The following GPHN variants were observed in gnomAD, a reference collection of about 807,000 sequenced individuals.
GPHN encodes the protein gephyrin.
A neutral mutation model predicts 95.5 loss-of-function variants in GPHN; 17 were observed. The ratio of observed to expected loss-of-function variants is 0.18; its 90% CI spans 0.12 to 0.27. GPHN has a LOEUF of 0.27. Among genes scored for constraint, GPHN ranks in the 10% least tolerant of loss-of-function variants. GPHN has a pLI of 1.00. For synonymous variants in GPHN, 320 were observed against 322.5 expected (o/e 0.99, Z 0.08); for missense variants, 660 against 978.1 (o/e 0.67, Z 4.34).
rs77240816 is a variant in GPHN, at chr14:66,787,688, A to G, written c.201+11167A>G. ...TAATAGGCTTATACAAATATATTCAATTGGTTTTTAATAAAGATGCAAAAG... is the reference window on the plus strand; with the variant it reads ...TAATAGGCTTATACAAATATATTCAGTTGGTTTTTAATAAAGATGCAAAAG... On this transcript the variant is annotated intron_variant, in intron 3 of 22. Coordinates refer to ENST00000478722, the MANE Select transcript of GPHN (RefSeq NM_020806.5). Among the ~76,000 whole-genome samples, 381 of 152,240 alleles carry G rather than the reference A, an allele frequency of 2.5e-3. 16 individuals carry two copies. The East Asian group carries it at 0.068, about 27-fold the overall frequency.
At chr14:67,451,899 A>G in the GPHN span, among the ~76,000 whole-genome samples, 2 of 152,172 alleles carry the variant, frequency 1.3e-5, no homozygotes, top group Admixed American at 6.5e-5. Context: ...TCTCCACCCA[A>G]TTCTCATCTT....
the GPHN span, among the ~76,000 whole-genome samples, chr14:67,205,379 G>T: frequency 1.3e-5 from 2 of 152,060 alleles, no homozygotes; most frequent in Non-Finnish European, 1.5e-5. Flanking sequence ...TCAACCTGCG[G>T]CTCATATTAC....
chr14:67,437,656 G>C, the GPHN span, among the ~76,000 whole-genome samples: 509 of 152,224 alleles, frequency 3.3e-3, 1 homozygote, highest in African/African-American at 0.012. Flanking sequence ...TGCTGGAGGA[G>C]GGGGGAGAGA....
chr14:67,012,497 C>T (rs1412171075), intron 9 of GPHN, among the ~76,000 whole-genome samples: 37 of 152,142 alleles, frequency 2.4e-4, no homozygotes, highest in Admixed American at 2.4e-3. Flanking sequence ...TGACCAATTA[C>T]AACAGTCTTC....
chr14:67,519,707 T>G, the GPHN span, among the ~76,000 whole-genome samples: 1 of 136,204 alleles, frequency 7.3e-6, no homozygotes, highest in Non-Finnish European at 1.6e-5. Flanking sequence ...AGTGGCCCTG[T>G]AAGTTTGTTT....
chr14:67,210,105 A>C, the GPHN span, among the ~76,000 whole-genome samples: 1 of 152,252 alleles, frequency 6.6e-6, no homozygotes, highest in Admixed American at 6.5e-5. Flanking sequence ...GTATTCCTTT[A>C]CTTATGGTAA....
rs547115591 is a variant in GPHN, at chr14:66,736,489, C to G, written c.144-39975C>G. ...TCTCGGCTCACTGCAGCTTCCGCCT[C>G]CTGGGTTCAAGTGATTCTCCTGCCT... On this transcript the variant is annotated intron_variant, in intron 2 of 22. Transcript: ENST00000478722. Among the ~76,000 whole-genome samples, 4 of 150,742 alleles carry G rather than the reference C, an allele frequency of 2.7e-5. No homozygotes were observed. In the East Asian group the frequency reaches 7.8e-4, roughly 29 times the overall value.
At chr14:67,286,310 CTGT>C in the GPHN span, among the ~76,000 whole-genome samples, 1 of 152,090 alleles carries the variant, frequency 6.6e-6, no homozygotes, top group Non-Finnish European at 1.5e-5. Context: ...CTTCTTGTGT[CTGT>C]TGTCTGTCTG....
chr14:66,925,649 G>A (rs1193580243), intron 8 of GPHN, among the ~76,000 whole-genome samples: 1 of 152,040 alleles, frequency 6.6e-6, no homozygotes. Context: ...TTGTATATAT[G>A]TACCCCATTT....
chr14:67,097,739 A>G (rs1478735311), intron 12 of GPHN, among the ~76,000 whole-genome samples: 1 of 152,060 alleles, frequency 6.6e-6, no homozygotes, highest in African/African-American at 2.4e-5. Flanking sequence ...TTATATATTC[A>G]TTAATGTGAT....
the GPHN span, chr14:67,659,625 G>A: frequency 8.9e-6 from 10 of 1,126,822 alleles, no homozygotes; most frequent in African/African-American, 1.3e-4. Flanking sequence ...AATGAAACAA[G>A]AGTCTAGTAT....
intron 3 of GPHN, among the ~76,000 whole-genome samples, chr14:66,822,445 T>C (rs1228985685): frequency 6.6e-6 from 1 of 152,220 alleles, no homozygotes; most frequent in African/African-American, 2.4e-5. Context: ...CCAAGTATTT[T>C]TTAAAGCTCC....
At chr14:67,257,358 G>A in the GPHN span, among the ~76,000 whole-genome samples, 1 of 152,248 alleles carries the variant, frequency 6.6e-6, no homozygotes, top group Non-Finnish European at 1.5e-5. Context: ...AGGGAGGTAT[G>A]TAGCTTTTTA....
At chr14:66,662,422 G>A (rs1332903865) in intron 1 of GPHN, among the ~76,000 whole-genome samples, 2 of 151,748 alleles carry the variant, frequency 1.3e-5, no homozygotes, top group African/African-American at 4.8e-5. Flanking sequence ...GCAAACCACA[G>A]CAGCCCTGTG....
intron 1 of GPHN, among the ~76,000 whole-genome samples, chr14:66,528,335 T>G (rs1286745310): frequency 2.0e-5 from 3 of 152,236 alleles, no homozygotes; most frequent in Non-Finnish European, 4.4e-5. Flanking sequence ...CTTCATCCCT[T>G]TATTTTTAGC....
the GPHN span, among the ~76,000 whole-genome samples, chr14:67,298,131 T>C: frequency 6.6e-6 from 1 of 152,168 alleles, no homozygotes; most frequent in East Asian, 1.9e-4. Flanking sequence ...TTAGATTTAA[T>C]ACTAAGGAGC....
chr14:67,587,218 G>A, the GPHN span: 11 of 1,613,806 alleles, frequency 6.8e-6, no homozygotes, highest in South Asian at 1.2e-4. Flanking sequence ...TGCTACCAAG[G>A]GGCCAACGTT....
chr14:67,429,446 G>T, the GPHN span, among the ~76,000 whole-genome samples: 1 of 150,618 alleles, frequency 6.6e-6, no homozygotes, highest in Non-Finnish European at 1.5e-5. Flanking sequence ...GGTCAGGCTG[G>T]TCTCAAACTC....
chr14:67,067,862 G>T (rs963736615), intron 11 of GPHN, among the ~76,000 whole-genome samples: 3 of 152,186 alleles, frequency 2.0e-5, no homozygotes, highest in Non-Finnish European at 4.4e-5. Context: ...AATCTGTCAC[G>T]GCTTCCCTTG....
Sources: gnomAD v4.1 joint callset for allele counts (sites outside exome capture counted in the v4.1 genomes callset) on GRCh38, gnomAD v4.1.1 for gene constraint, MANE v1.5 for transcripts, NCBI Gene and HGNC (gene_info 2026-07-23, HGNC 2026-07-21) for gene names.